The following RBFOX1 variants were observed in gnomAD, a reference collection of about 807,000 sequenced individuals.
RBFOX1 encodes the protein RNA binding protein fox-1 homolog 1.
In RBFOX1, 8 loss-of-function variants were observed where a neutral mutation model predicts 57.7. The observed-to-expected ratio is 0.14, with a 90% CI of 0.08 to 0.25. The LOEUF (loss-of-function observed/expected upper bound fraction) is 0.25, where lower values mean the gene tolerates loss of function less well. RBFOX1 is among the 10% of genes least tolerant of loss of function. The pLI is 1.00. For missense variants in RBFOX1, 611 were observed against 548.5 expected, an observed-to-expected ratio of 1.11 and a Z score of -1.14; for synonymous variants, 326 against 222.4, an observed-to-expected ratio of 1.47 and a Z score of -4.15.
At chr16:6,745,157 A>G (rs2073274431) in intron 3 of RBFOX1, among the ~76,000 whole-genome samples, 1 of 152,122 alleles carries the variant, frequency 6.6e-6, no homozygotes, top group South Asian at 2.1e-4. Context: ...GAATTTCCTG[A>G]TATATATCAA....
chr16:5,260,629 C>T (rs556333894), intron 1 of RBFOX1: 1 of 152,362 alleles, frequency 6.6e-6, no homozygotes, highest in Non-Finnish European at 1.5e-5. Context: ...CTGACCATCT[C>T]ATGAAAAATT....
chr16:6,307,548 C>A lies in RBFOX1; in HGVS notation c.-126-9447C>A, dbSNP rs543653038. Among the ~76,000 whole-genome samples the A allele has an allele frequency of 1.8e-4, 26 of 145,970 alleles. No homozygotes were observed. In the South Asian group the frequency reaches 5.7e-3, roughly 32 times the overall value. On this transcript the variant is annotated intron_variant, in intron 1 of 15. Coordinates refer to ENST00000550418, the MANE Select transcript of RBFOX1 (RefSeq NM_018723.4). The stretch of plus-strand genomic sequence containing the variant: ...TATAATATCATTTAATATATTAAGT[C>A]ATTATATAATATCATTTAATAATAT...
At chr16:7,407,373 GGT>G (rs77358035) in intron 4 of RBFOX1, among the ~76,000 whole-genome samples, 3,075 of 149,600 alleles carry the variant, frequency 0.021, 103 homozygotes, top group African/African-American at 0.066. Flanking sequence ...GATTTGTATG[GGT>G]GTGTGTGTGT....
At chr16:7,243,958 C>G (rs1287686488) in intron 4 of RBFOX1, among the ~76,000 whole-genome samples, 9 of 137,564 alleles carry the variant, frequency 6.5e-5, no homozygotes, top group African/African-American at 2.1e-4. Context: ...AAGTCACATA[C>G]AAAACTCGAT....
At chr16:6,017,046 T>G (rs2094998238), upstream of RBFOX1, among the ~76,000 whole-genome samples, 1 of 152,184 alleles carries the variant, frequency 6.6e-6, no homozygotes, top group Non-Finnish European at 1.5e-5. Context: ...AATAAATAAA[T>G]CAGAGCAGAC....
At chr16:6,050,793 A>G (rs938917430) in intron 1 of RBFOX1, among the ~76,000 whole-genome samples, 9 of 151,850 alleles carry the variant, frequency 5.9e-5, no homozygotes, top group East Asian at 3.9e-4. Context: ...TCTCTTTGTG[A>G]TTTCAAATAT....
intron 4 of RBFOX1, among the ~76,000 whole-genome samples, chr16:5,986,354 G>A (rs897306878): frequency 2.0e-5 from 3 of 152,270 alleles, no homozygotes; most frequent in South Asian, 2.1e-4. Flanking sequence ...GTGAGCCATC[G>A]CGTCCAGACT....
At chr16:7,509,454 T>A (rs894967345) in intron 4 of RBFOX1, among the ~76,000 whole-genome samples, 2 of 147,604 alleles carry the variant, frequency 1.4e-5, no homozygotes, top group Non-Finnish European at 3.0e-5. Flanking sequence ...CTGTGTGTGG[T>A]TTTTGGTGAT....
intron 4 of RBFOX1, among the ~76,000 whole-genome samples, chr16:5,897,114 C>G (rs1257301914): frequency 6.7e-6 from 1 of 148,220 alleles, no homozygotes; most frequent in Non-Finnish European, 1.5e-5. Flanking sequence ...CGGCTCACTG[C>G]AAGCTCCGCT....
rs77146363 is a variant in RBFOX1 at position 5,820,180 on chromosome 16, T to C, written c.319-47123T>C. Among the ~76,000 whole-genome samples the C allele has an allele frequency of 5.4e-3, 818 of 152,328 alleles. 9 individuals are homozygous for C. The highest frequency in any genetic ancestry group is 0.019 in the African/African-American group (790 of 41,572). On this transcript the variant is annotated intron_variant, in intron 3 of 19. Coordinates refer to the RBFOX1 transcript ENST00000641259. Reference sequence around the variant, plus strand: ...TTATAGATGGAGGAAGCAGAGCTCATGGGGATTAAAACACTTGCCCCTGGT... The same window carrying C: ...TTATAGATGGAGGAAGCAGAGCTCACGGGGATTAAAACACTTGCCCCTGGT...
At chr16:6,704,179 G>A (rs991865982) in intron 3 of RBFOX1, 2 of 152,208 alleles carry the variant, frequency 1.3e-5, no homozygotes, top group Non-Finnish European at 2.9e-5. Context: ...CCCATGTTGT[G>A]TGTAAGGAAA....
chr16:5,986,101 T>C (rs1254187598), intron 4 of RBFOX1, among the ~76,000 whole-genome samples: 2 of 151,704 alleles, frequency 1.3e-5, no homozygotes, highest in Non-Finnish European at 2.9e-5. Flanking sequence ...TCGCTCTTGT[T>C]ACCCAGGCTG....
chr16:6,858,191 C>G (rs1044712547), intron 3 of RBFOX1, among the ~76,000 whole-genome samples: 2 of 152,142 alleles, frequency 1.3e-5, no homozygotes, highest in East Asian at 1.9e-4. Flanking sequence ...CATAAGTGTC[C>G]TTTTCAAAGT....
At chr16:6,799,931 G>C (rs1394455861) in intron 3 of RBFOX1, among the ~76,000 whole-genome samples, 2 of 152,136 alleles carry the variant, frequency 1.3e-5, no homozygotes, top group East Asian at 3.9e-4. Context: ...CTTATAGTGA[G>C]ACTTCGTCTT....
intron 15 of RBFOX1, among the ~76,000 whole-genome samples, 156 bp downstream of exon 15, chr16:7,709,287 A>T (rs1474824689): frequency 6.6e-6 from 1 of 152,276 alleles, no homozygotes; most frequent in East Asian, 1.9e-4. Context: ...TCCTCCCAGT[A>T]AACTTGATAA....
chr16:6,725,207 T>C (rs796245790), intron 3 of RBFOX1, among the ~76,000 whole-genome samples: 70 of 151,996 alleles, frequency 4.6e-4, no homozygotes, highest in African/African-American at 1.6e-3. Context: ...CCCGCCACCA[T>C]GCCCAGCTAA....
intron 3 of RBFOX1, among the ~76,000 whole-genome samples, chr16:6,728,767 A>G (rs969684680): frequency 6.6e-6 from 1 of 152,198 alleles, no homozygotes; most frequent in Non-Finnish European, 1.5e-5. Flanking sequence ...TCTGAATTTC[A>G]AAGCCATTAA....
chr16:6,062,102 C>T (rs996034465), intron 1 of RBFOX1, among the ~76,000 whole-genome samples: 11 of 152,252 alleles, frequency 7.2e-5, no homozygotes, highest in East Asian at 3.9e-4. Flanking sequence ...AACAGCCAAA[C>T]GAGATGCATG....
chr16:5,721,989 A>G (rs941533353), intron 3 of RBFOX1, among the ~76,000 whole-genome samples: 7 of 152,214 alleles, frequency 4.6e-5, no homozygotes, highest in Admixed American at 3.3e-4. Context: ...TTTTGACCCC[A>G]TAGCACAATA....
Sources: gnomAD v4.1 joint callset for allele counts (sites outside exome capture counted in the v4.1 genomes callset) on GRCh38, gnomAD v4.1.1 for gene constraint, MANE v1.5 for transcripts, NCBI Gene and HGNC (gene_info 2026-07-23, HGNC 2026-07-21) for gene names.